Variants in PTPRK observed in about 807,000 individuals in gnomAD.
PTPRK encodes the protein receptor-type tyrosine-protein phosphatase kappa.
Under a neutral mutation model 178.0 loss-of-function variants are expected in PTPRK, and 75 were observed. That is an observed-to-expected ratio of 0.42 (90% confidence interval 0.35 to 0.51). PTPRK has a LOEUF of 0.51. Ranked by LOEUF, PTPRK falls within the 20% of genes least tolerant of loss-of-function variation. The probability of loss-of-function intolerance (pLI) is 0.02; values close to 1 mark genes in which losing one functional copy is unlikely to be tolerated. For missense variants in PTPRK, 1,441 were observed against 1,797.8 expected, an observed-to-expected ratio of 0.80 and a Z score of 3.59; for synonymous variants, 637 against 620.6, an observed-to-expected ratio of 1.03 and a Z score of -0.39.
At chr6:128,152,629 T>A (rs1797428855) in intron 7 of PTPRK, among the ~76,000 whole-genome samples, 1 of 151,788 alleles carries the variant, frequency 6.6e-6, no homozygotes, top group Non-Finnish European at 1.5e-5. Flanking sequence ...TCAAAGGGTC[T>A]GAGCAGTGTG....
chr6:128,474,839 C>T (rs1242169978), intron 1 of PTPRK, among the ~76,000 whole-genome samples: 1 of 152,102 alleles, frequency 6.6e-6, no homozygotes, highest in Non-Finnish European at 1.5e-5. Context: ...AAAACTGATG[C>T]CATACAATGT....
chr6:128,057,564 C>T (rs547769159), intron 13 of PTPRK, among the ~76,000 whole-genome samples: 1 of 152,322 alleles, frequency 6.6e-6, no homozygotes, highest in South Asian at 2.1e-4. Context: ...GACAGCATTT[C>T]ACATGTGCTG....
intron 1 of PTPRK, among the ~76,000 whole-genome samples, chr6:128,405,225 T>C (rs756067847): frequency 1.3e-5 from 2 of 152,224 alleles, no homozygotes; most frequent in Non-Finnish European, 2.9e-5. Flanking sequence ...ATTAACACTA[T>C]ACTATCACTC....
chr6:128,114,332 G>A (rs1281007241), intron 7 of PTPRK, among the ~76,000 whole-genome samples: 5 of 151,918 alleles, frequency 3.3e-5, no homozygotes, highest in Admixed American at 2.6e-4. Context: ...AAAAGCATCA[G>A]CTTGGCCAGG....
At chr6:128,085,009 C>T (rs1390228163) in intron 8 of PTPRK, 3 of 152,054 alleles carry the variant, frequency 2.0e-5, no homozygotes, top group African/African-American at 7.2e-5. Flanking sequence ...AAATACATTG[C>T]ATTGTGGCTA....
At chr6:128,506,418 C>T (rs934713773) in intron 1 of PTPRK, among the ~76,000 whole-genome samples, 3 of 152,016 alleles carry the variant, frequency 2.0e-5, no homozygotes, top group Non-Finnish European at 4.4e-5. Context: ...CTCCCTCAAC[C>T]TACCTAGAGA....
intron 13 of PTPRK, among the ~76,000 whole-genome samples, chr6:128,034,355 G>C (rs1346222206): frequency 6.6e-6 from 1 of 152,158 alleles, no homozygotes; most frequent in African/African-American, 2.4e-5. Context: ...TTTTTGATTA[G>C]CAGCATTTCA....
chr6:128,500,277 A>G (rs535619626), intron 1 of PTPRK, among the ~76,000 whole-genome samples: 4 of 152,276 alleles, frequency 2.6e-5, no homozygotes, highest in Non-Finnish European at 5.9e-5. Flanking sequence ...TGAAATAGAG[A>G]GTAATACAAA....
chr6:127,986,008 C>CT, intron 21 of PTPRK, 133 bp from the exon 22 acceptor site: 1 of 741,002 alleles, frequency 1.3e-6, no homozygotes, highest in Non-Finnish European at 1.9e-6. Context: ...TATGCCTTTT[C>CT]TTAAAAAAAA....
intron 6 of PTPRK, among the ~76,000 whole-genome samples, chr6:128,196,499 A>G (rs1446978786): frequency 6.6e-6 from 1 of 152,088 alleles, no homozygotes; most frequent in Admixed American, 6.6e-5. Flanking sequence ...TTTTATTTCA[A>G]CTCCCCTTGA....
chr6:128,431,220 G>A (rs1405297953), intron 1 of PTPRK, among the ~76,000 whole-genome samples: 3 of 152,116 alleles, frequency 2.0e-5, no homozygotes, highest in Non-Finnish European at 2.9e-5. Flanking sequence ...TTACAAGCAT[G>A]AGCCATCGTG....
At chr6:128,140,934 T>A (rs1159021807) in intron 7 of PTPRK, among the ~76,000 whole-genome samples, 1 of 151,962 alleles carries the variant, frequency 6.6e-6, no homozygotes, top group African/African-American at 2.4e-5. Context: ...AAGACTTTGT[T>A]CAGTACCATG....
At chr6:128,422,093 G>A (rs1344031727) in intron 1 of PTPRK, among the ~76,000 whole-genome samples, 1 of 152,182 alleles carries the variant, frequency 6.6e-6, no homozygotes, top group Non-Finnish European at 1.5e-5. Context: ...TTCAAAGTGT[G>A]TTGTTGAAAG....
chr6:127,976,571 TC>T, intron 27 of PTPRK, 85 bp downstream of exon 27: 1 of 1,484,806 alleles, frequency 6.7e-7, no homozygotes, highest in Non-Finnish European at 9.3e-7. Flanking sequence ...AATTGTAGTC[TC>T]CCTGTTGTCT....
chr6:128,405,967 T>C (rs1322807771), intron 1 of PTPRK, among the ~76,000 whole-genome samples: 1 of 151,966 alleles, frequency 6.6e-6, no homozygotes, highest in African/African-American at 2.4e-5. Context: ...AACCAATTAA[T>C]TTATGTAAAT....
intron 1 of PTPRK, among the ~76,000 whole-genome samples, chr6:128,469,120 A>T (rs1850275647): frequency 6.6e-6 from 1 of 152,148 alleles, no homozygotes; most frequent in Non-Finnish European, 1.5e-5. Context: ...AGCAAAAACA[A>T]ACCAGTATCT....
chr6:128,030,529 G>T (rs1272572253), intron 13 of PTPRK, among the ~76,000 whole-genome samples: 1 of 152,146 alleles, frequency 6.6e-6, no homozygotes, highest in Non-Finnish European at 1.5e-5. Context: ...TGTCCTGTAA[G>T]ATATGGATAT....
intron 7 of PTPRK, among the ~76,000 whole-genome samples, chr6:128,099,855 A>G (rs189131378): frequency 1.3e-5 from 2 of 152,140 alleles, no homozygotes; most frequent in East Asian, 3.9e-4. Context: ...GTGAAGTCTT[A>G]TATTAGGTTT....
chr6:128,148,574 T>C (rs1387474803), intron 7 of PTPRK, among the ~76,000 whole-genome samples: 1 of 152,160 alleles, frequency 6.6e-6, no homozygotes, highest in Non-Finnish European at 1.5e-5. Context: ...ATTCAGACAG[T>C]TAATGCTGAT....
Sources: allele counts gnomAD v4.1 joint callset (sites outside exome capture counted in the v4.1 genomes callset), GRCh38; gene constraint gnomAD v4.1.1; transcripts MANE v1.5; gene names NCBI Gene and HGNC (gene_info 2026-07-23, HGNC 2026-07-21).